The following INSM2 variants were observed in gnomAD, a reference collection of about 807,000 sequenced individuals.
INSM2 encodes INSM transcriptional repressor 2.
INSM2 carries 12 observed loss-of-function variants against 30.5 expected under a neutral mutation model. That is an observed-to-expected ratio of 0.39 (90% confidence interval 0.25 to 0.64). INSM2 has a LOEUF of 0.64. Among genes scored for constraint, INSM2 ranks in the 30% least tolerant of loss-of-function variants. INSM2 has a pLI of 0.47. For missense variants in INSM2, 773 were observed against 819.2 expected (o/e 0.94, Z 0.69); for synonymous variants, 418 against 383.7 (o/e 1.09, Z -1.05).
chr14:35,535,313 A>C lies in INSM2; in HGVS notation c.1061A>C (p.Lys354Thr). Residue 354 changes from lysine (K) to threonine (T), a missense_variant, in exon 1 of 1, where the codon AAG becomes ACG. Lys to Thr is a moderately conservative substitution (Grantham distance 78). Transcript: ENST00000307169. ...ATTGCATCTTTTCTGGCGGAGGGAA[A>C]GGAGAACAGCCGAATAGAGCGGACT... ...GAIASFLAEG[K>T]ENSRIERTAD... 1.2e-6 allele frequency: 2 copies of C among 1,612,322 alleles called. No individual in the cohort carries two copies. The highest frequency in any genetic ancestry group is 1.7e-6 in the Non-Finnish European group (2 of 1,179,498).
In INSM2 at chr14:35,536,890, T is replaced by G. The variant is rs2053606744; in HGVS notation, c.*937T>G. 6.0e-6 allele frequency: 1 copy of G among 167,106 alleles called. No individual in the cohort carries two copies. Among genetic ancestry groups the G allele is most frequent in the South Asian group, 2.1e-4 (1 of 4,834 alleles). The allele number at this position is 167,106 out of a possible 1,614,324, so 10.4% of individuals were successfully genotyped here. A position where few individuals can be genotyped will look rare whatever the true frequency, so the allele number is the denominator to read the frequency against. On this transcript the variant is annotated 3_prime_UTR_variant, in exon 1 of 1. Coordinates refer to ENST00000307169, the MANE Select transcript of INSM2 (RefSeq NM_032594.4). Reference sequence around the variant, plus strand: ...TGGCAATTTGCTCAATATTCAGTATTTTCTTTTCAGCGGCAACTTGTTTTT... The same window carrying G: ...TGGCAATTTGCTCAATATTCAGTATGTTCTTTTCAGCGGCAACTTGTTTTT...
In INSM2 at chr14:35,534,558, C is replaced by G. The variant is rs1413418825; in HGVS notation, c.306C>G (p.Pro102=). ...GGCGGGCGGGTGGCAGGGAAGGTCCCGGGCCCAGCCCCAGCCCCAGCCCCA... is the reference window on the plus strand; with the variant it reads ...GGCGGGCGGGTGGCAGGGAAGGTCCGGGGCCCAGCCCCAGCCCCAGCCCCA... ...AEWRAGGREG[P]GPSPSPSPSP... Residue 102 remains proline (P), a synonymous_variant, in exon 1 of 1, where the codon CCC becomes CCG. Coordinates refer to ENST00000307169, the MANE Select transcript of INSM2 (RefSeq NM_032594.4). The G allele has an allele frequency of 3.6e-6, 5 of 1,399,934 alleles. No individual in the cohort carries two copies. The highest frequency in any genetic ancestry group is 1.5e-5 in the African/African-American group (1 of 65,536). The allele number at this position is 1,399,934 out of a possible 1,614,324, so 86.7% of individuals were successfully genotyped here.
chr14:35,534,561 GCCCAGC>G lies in INSM2; in HGVS notation c.327_332del (p.Ser111_Pro112del), dbSNP rs769123084. ...GGGCGGGTGGCAGGGAAGGTCCCGG[GCCCAGC>G]CCCAGCCCCAGCCCCAGTCCAGCGA... is the stretch of plus-strand genomic sequence containing the variant. On this transcript the variant is annotated inframe_deletion, in exon 1 of 1. Transcript: ENST00000307169. 1.7e-5 allele frequency: 24 copies of G among 1,401,400 alleles called. No homozygotes were observed. The highest frequency in any genetic ancestry group is 2.5e-4 in the Middle Eastern group (1 of 3,978). The allele number at this position is 1,401,400 out of a possible 1,614,324, so 86.8% of individuals were successfully genotyped here. A position where few individuals can be genotyped will look rare whatever the true frequency, so the allele number is the denominator to read the frequency against.
At position 35,534,408 on chromosome 14, in the gene INSM2, G is replaced by A. The variant is rs778775186; in HGVS notation, c.156G>A (p.Ala52=). 1.1e-5 allele frequency: 16 copies of A among 1,519,018 alleles called. No homozygotes were observed. The highest frequency in any genetic ancestry group is 1.3e-5 in the Non-Finnish European group (15 of 1,139,646). 94.1% of individuals were successfully genotyped at this position (1,519,018 alleles called of 1,614,324 possible). ...PSASLPGAER[A]TPPTREEPGK... ...CCTCCTTGCCCGGCGCGGAGCGGGC[G>A]ACACCCCCCACCCGAGAGGAACCAG... The change falls in exon 1 of 1, where the codon GCG becomes GCA. Residue 52 remains alanine (A), a synonymous_variant. Transcript: ENST00000307169.
rs2053581315 is a variant in INSM2 at position 35,534,621 on chromosome 14, G to A, written c.369G>A (p.Ala123=). Residue 123 remains alanine (A), a synonymous_variant, in exon 1 of 1, where the codon GCG becomes GCA. Transcript: ENST00000307169. ...CGGCAGGCGCAGAGCTGCGTCGGGC[G>A]TTCCTGGAGCGCTGCCTCAGCTCGC... ...AKPAGAELRR[A]FLERCLSSPV... 6.9e-7 allele frequency: 1 copy of A among 1,442,082 alleles called. No individual in the cohort carries two copies. The highest frequency in any genetic ancestry group is 2.7e-5 in the Admixed American group (1 of 36,730). 89.3% of individuals were successfully genotyped at this position (1,442,082 alleles called of 1,614,324 possible). A position where few individuals can be genotyped will look rare whatever the true frequency, so the allele number is the denominator to read the frequency against.
chr14:35,536,772 G>C lies in INSM2; in HGVS notation c.*819G>C, dbSNP rs1301408725. On this transcript the variant is annotated 3_prime_UTR_variant, in exon 1 of 1. Coordinates refer to ENST00000307169, the MANE Select transcript of INSM2 (RefSeq NM_032594.4). ...TGGGGTTTCACCCAAATTGTTTAAT[G>C]CTTCTGCTGTAAATGTCATACTGTG... is the stretch of plus-strand genomic sequence containing the variant. 1.2e-5 allele frequency: 2 copies of C among 167,108 alleles called. No individual in the cohort carries two copies. The highest frequency in any genetic ancestry group is 3.8e-4 in the East Asian group (2 of 5,198). The allele number at this position is 167,108 out of a possible 1,614,324, so 10.4% of individuals were successfully genotyped here. A position where few individuals can be genotyped will look rare whatever the true frequency, so the allele number is the denominator to read the frequency against.
Position 35,535,877 on chromosome 14 carries a change from G to A in INSM2, c.1625G>A (p.Arg542Gln), listed in dbSNP as rs766721739. ...STFFSSPGLT[R>Q]HINKCHPSES... ...TTTTTTAGCTCTCCAGGGCTGACCC[G>A]GCACATCAATAAGTGCCACCCCTCA... Residue 542 changes from arginine (R) to glutamine (Q), a missense_variant, in exon 1 of 1, where the codon CGG becomes CAG. Transcript: ENST00000307169. The A allele has an allele frequency of 2.5e-6, 4 of 1,613,934 alleles. No homozygotes were observed. Among genetic ancestry groups the A allele is most frequent in the African/African-American group, 1.3e-5 (1 of 75,042 alleles).
Position 35,535,038 on chromosome 14 carries a change from G to C in INSM2, c.786G>C (p.Glu262Asp). Residue 262 changes from glutamate (E) to aspartate (D), a missense_variant, in exon 1 of 1, where the codon GAG becomes GAC. By Grantham distance (45) the Glu-to-Asp change is conservative (BLOSUM62 2). Transcript: ENST00000307169. ...GLGGSRTPLG[E>D]FICQLCKEQY... ...GGGGCAGCCGCACGCCACTGGGGGAGTTCATCTGCCAGCTGTGCAAGGAGC... is the reference window on the plus strand; with the variant it reads ...GGGGCAGCCGCACGCCACTGGGGGACTTCATCTGCCAGCTGTGCAAGGAGC... The C allele has an allele frequency of 6.3e-7, 1 of 1,587,250 alleles. No individual in the cohort carries two copies. The highest frequency in any genetic ancestry group is 8.6e-7 in the Non-Finnish European group (1 of 1,166,530).
rs773089648 is a variant in INSM2 at position 35,535,830 on chromosome 14, G to C, written c.1578G>C (p.Ser526=). 1 of 1,613,944 alleles carries C rather than the reference G, an allele frequency of 6.2e-7. No homozygotes were observed. Among genetic ancestry groups the C allele is most frequent in the African/African-American group, 1.3e-5 (1 of 74,958 alleles). The change falls in exon 1 of 1, where the codon TCG becomes TCC. Residue 526 remains serine, a synonymous_variant. Coordinates refer to ENST00000307169, the MANE Select transcript of INSM2 (RefSeq NM_032594.4). ...PSDGSAQQIF[S]CKHCPSTFFS... is the part of the protein sequence containing the mutation. The stretch of plus-strand genomic sequence containing the variant: ...ACGGGAGTGCCCAGCAAATTTTCTC[G>C]TGCAAGCACTGCCCGTCCACTTTTT...
rs3809445 is a variant in INSM2, at chr14:35,535,333, C to A, written c.1081C>A (p.Arg361=). The A allele has an allele frequency of 5.1e-4, 823 of 1,610,332 alleles. 15 individuals are homozygous for A. The East Asian group carries it at 0.018, about 35-fold the overall frequency. The change falls in exon 1 of 1, where the codon CGG becomes AGG. Residue 361 remains arginine (R), a synonymous_variant. Transcript: ENST00000307169. The part of the protein sequence containing the change: ...AEGKENSRIE[R]TADQHPQARD... ...GGGAAAGGAGAACAGCCGAATAGAG[C>A]GGACTGCGGATCAGCACCCGCAGGC... is the stretch of plus-strand genomic sequence containing the variant.
Position 35,535,206 on chromosome 14 carries a change from G to C in INSM2, c.954G>C (p.Ala318=). The stretch of plus-strand genomic sequence containing the variant: ...GCCGCTGGCATAAGCCGCGTCCTGC[G>C]GCTGCAAACGCCGCCACAGTCTCCT... The part of the protein sequence containing the change: ...SHRRWHKPRP[A]AANAATVSSA... The change falls in exon 1 of 1, where the codon GCG becomes GCC. Residue 318 remains alanine, a synonymous_variant. Coordinates refer to ENST00000307169, the MANE Select transcript of INSM2 (RefSeq NM_032594.4). 6.2e-6 allele frequency: 10 copies of C among 1,613,038 alleles called. No homozygotes were observed. The highest frequency in any genetic ancestry group is 8.5e-6 in the Non-Finnish European group (10 of 1,179,880).
chr14:35,534,987 G>C lies in INSM2; in HGVS notation c.735G>C (p.Glu245Asp). The part of the protein sequence containing the change: ...PVLGLKIKEE[E>D]PGAPSRGLGG... Reference sequence around the variant, plus strand: ...TGGGCCTGAAGATCAAGGAGGAGGAGCCCGGAGCGCCGTCCCGGGGCTTGG... The same window carrying C: ...TGGGCCTGAAGATCAAGGAGGAGGACCCCGGAGCGCCGTCCCGGGGCTTGG... Residue 245 changes from glutamate to aspartate, a missense_variant, in exon 1 of 1, where the codon GAG becomes GAC. Physicochemically the swap from Glu to Asp is conservative, Grantham distance 45. Transcript: ENST00000307169. The C allele has an allele frequency of 6.4e-7, 1 of 1,563,510 alleles. No individual in the cohort carries two copies. The highest frequency in any genetic ancestry group is 8.6e-7 in the Non-Finnish European group (1 of 1,157,458).
rs1193982707 is a variant in INSM2, at chr14:35,535,728, T to C, written c.1476T>C (p.His492=). The change falls in exon 1 of 1, where the codon CAT becomes CAC. Residue 492 remains histidine, a synonymous_variant. Transcript: ENST00000307169. ...ADIREKHRLW[H]AVREELLLPA... is the part of the protein sequence containing the mutation. ...TCAGGGAGAAGCACCGGCTGTGGCA[T>C]GCTGTCCGCGAGGAGCTGCTCCTGC... 6.2e-7 allele frequency: 1 copy of C among 1,613,366 alleles called. No individual in the cohort carries two copies. The highest frequency in any genetic ancestry group is 8.5e-7 in the Non-Finnish European group (1 of 1,179,962).
At position 35,535,158 on chromosome 14, in the gene INSM2, T is replaced by G; in HGVS notation, c.906T>G (p.Cys302Trp). ...RCPECDKVFSCPANLASHRRW... is the reference protein window; with the variant it reads ...RCPECDKVFSWPANLASHRRW... Reference sequence around the variant, plus strand: ...CTGAGTGCGACAAGGTGTTCAGCTGTCCTGCGAACCTGGCCTCCCATCGCC... The same window carrying G: ...CTGAGTGCGACAAGGTGTTCAGCTGGCCTGCGAACCTGGCCTCCCATCGCC... The change falls in exon 1 of 1, where the codon TGT (cysteine) becomes TGG (tryptophan). Residue 302 changes from cysteine to tryptophan, a missense_variant. Cys to Trp is a radical substitution (Grantham distance 215). Transcript: ENST00000307169. The G allele has an allele frequency of 3.1e-6, 5 of 1,612,462 alleles. No homozygotes were observed. The highest frequency in any genetic ancestry group is 4.2e-6 in the Non-Finnish European group (5 of 1,179,640).
chr14:35,534,408 G>T lies in INSM2; in HGVS notation c.156G>T (p.Ala52=). 2 of 1,519,138 alleles carry T rather than the reference G, an allele frequency of 1.3e-6. No homozygotes were observed. The highest frequency in any genetic ancestry group is 1.3e-5 in the South Asian group (1 of 78,718). 94.1% of individuals were successfully genotyped at this position (1,519,138 alleles called of 1,614,324 possible). A position where few individuals can be genotyped will look rare whatever the true frequency, so the allele number is the denominator to read the frequency against. ...PSASLPGAER[A]TPPTREEPGK... Reference sequence around the variant, plus strand: ...CCTCCTTGCCCGGCGCGGAGCGGGCGACACCCCCCACCCGAGAGGAACCAG... The same window carrying T: ...CCTCCTTGCCCGGCGCGGAGCGGGCTACACCCCCCACCCGAGAGGAACCAG... Residue 52 remains alanine (A), a synonymous_variant, in exon 1 of 1, where the codon GCG becomes GCT. Coordinates refer to ENST00000307169, the MANE Select transcript of INSM2 (RefSeq NM_032594.4).
Position 35,534,873 on chromosome 14 carries a change from C to A in INSM2, c.621C>A (p.Cys207Ter). ...GERRGKAPTDCASGPAAAGIK... is the reference protein window; with the variant it reads ...GERRGKAPTD ...GCCGCGGCAAGGCACCCACGGACTGCGCGTCTGGACCCGCGGCCGCGGGAA... is the reference window on the plus strand; with the variant it reads ...GCCGCGGCAAGGCACCCACGGACTGAGCGTCTGGACCCGCGGCCGCGGGAA... Residue 207 changes from cysteine to a stop codon, truncating the protein, a stop_gained, in exon 1 of 1, where the codon TGC becomes TGA. Coordinates refer to ENST00000307169, the MANE Select transcript of INSM2 (RefSeq NM_032594.4). LOFTEE classifies it high-confidence loss of function. The A allele has an allele frequency of 6.3e-7, 1 of 1,579,964 alleles. No homozygotes were observed. Among genetic ancestry groups the A allele is most frequent in the Non-Finnish European group, 8.6e-7 (1 of 1,167,980 alleles).
At position 35,534,904 on chromosome 14, in the gene INSM2, A is replaced by G; in HGVS notation, c.652A>G (p.Lys218Glu). The part of the protein sequence containing the change: ...ASGPAAAGIK[K>E]PKAMRKLSFA... ...TGGACCCGCGGCCGCGGGAATCAAGAAGCCAAAGGCCATGAGGAAGTTGAG... is the reference window on the plus strand; with the variant it reads ...TGGACCCGCGGCCGCGGGAATCAAGGAGCCAAAGGCCATGAGGAAGTTGAG... Residue 218 changes from lysine to glutamate, a missense_variant, in exon 1 of 1, where the codon AAG (lysine) becomes GAG (glutamate). Lys to Glu is a moderately conservative substitution (Grantham distance 56). Coordinates refer to ENST00000307169, the MANE Select transcript of INSM2 (RefSeq NM_032594.4). 6.3e-7 allele frequency: 1 copy of G among 1,591,788 alleles called. No homozygotes were observed. Among genetic ancestry groups the G allele is most frequent in the Non-Finnish European group, 8.5e-7 (1 of 1,172,266 alleles).
rs2053589964 is a variant in INSM2 at position 35,535,387 on chromosome 14, C to T, written c.1135C>T (p.Pro379Ser). The change falls in exon 1 of 1, where the codon CCG becomes TCG. Residue 379 changes from proline to serine, a missense_variant. Coordinates refer to ENST00000307169, the MANE Select transcript of INSM2 (RefSeq NM_032594.4). ...ARDSSGADQHPDSAPRQGLQV... is the reference protein window; with the variant it reads ...ARDSSGADQHSDSAPRQGLQV... ...GGACAGCTCCGGGGCGGATCAGCAC[C>T]CGGACAGCGCCCCGAGGCAGGGCCT... 1.2e-6 allele frequency: 2 copies of T among 1,611,598 alleles called. No homozygotes were observed. The highest frequency in any genetic ancestry group is 2.2e-5 in the East Asian group (1 of 44,846).
rs563597277 is a variant in INSM2, at chr14:35,537,053, T to G, written c.*1100T>G. The G allele has an allele frequency of 1.2e-5, 2 of 165,748 alleles. No homozygotes were observed. The highest frequency in any genetic ancestry group is 6.5e-5 in the Admixed American group (1 of 15,312). 10.3% of individuals were successfully genotyped at this position (165,748 alleles called of 1,614,324 possible). A position where few individuals can be genotyped will look rare whatever the true frequency, so the allele number is the denominator to read the frequency against. Reference sequence around the variant, plus strand: ...CCACCAAATAAATGTACATAGACTGTGCTTTTGTTGTGTTCTGTGTTTGTC... The same window carrying G: ...CCACCAAATAAATGTACATAGACTGGGCTTTTGTTGTGTTCTGTGTTTGTC... On this transcript the variant is annotated 3_prime_UTR_variant, in exon 1 of 1. Coordinates refer to ENST00000307169, the MANE Select transcript of INSM2 (RefSeq NM_032594.4).
Sources: allele counts gnomAD v4.1 joint callset, GRCh38; gene constraint gnomAD v4.1.1; transcripts MANE v1.5; gene names NCBI Gene and HGNC (gene_info 2026-07-23, HGNC 2026-07-21).